The following GAB1 variants were observed in gnomAD, a reference collection of about 807,000 sequenced individuals.
GAB1 encodes GRB2 associated binding protein 1.
A neutral mutation model predicts 66.5 loss-of-function variants in GAB1; 19 were observed. The ratio of observed to expected loss-of-function variants is 0.29; its 90% CI spans 0.20 to 0.42. The LOEUF is 0.42. Among genes scored for constraint, GAB1 ranks in the 10% least tolerant of loss-of-function variants. The pLI, the probability that GAB1 is intolerant of heterozygous loss-of-function variation, is 1.00. For missense variants in GAB1, 732 were observed against 858.5 expected, an observed-to-expected ratio of 0.85 and a Z score of 1.84; for synonymous variants, 294 against 301.4, an observed-to-expected ratio of 0.98 and a Z score of 0.25.
chr4:143,433,830 A>G (rs550896450), intron 3 of GAB1, 114 bp downstream of exon 3: 2 of 803,612 alleles, frequency 2.5e-6, no homozygotes, highest in Middle Eastern at 2.3e-4. Context: ...GAAAGAGACC[A>G]TCTGTATAGG....
At chr4:143,397,876 T>C (rs1245377331) in intron 1 of GAB1, among the ~76,000 whole-genome samples, 2 of 152,220 alleles carry the variant, frequency 1.3e-5, no homozygotes, top group Non-Finnish European at 2.9e-5. Flanking sequence ...GGAAAAGGAC[T>C]TAGAAGCAGA....
intron 1 of GAB1, among the ~76,000 whole-genome samples, chr4:143,373,781 A>G (rs1198731781): frequency 1.3e-5 from 2 of 148,814 alleles, no homozygotes; most frequent in Non-Finnish European, 3.0e-5. Context: ...GTGAGCCGAG[A>G]TTGCACCATT....
intron 6 of GAB1, among the ~76,000 whole-genome samples, chr4:143,451,053 C>G (rs1182101892): frequency 1.3e-5 from 2 of 152,122 alleles, no homozygotes; most frequent in African/African-American, 4.8e-5. Context: ...TGAAGAAGCT[C>G]ACCGTCCAGG....
intron 1 of GAB1, among the ~76,000 whole-genome samples, chr4:143,378,565 T>G (rs1213118968): frequency 6.6e-6 from 1 of 151,952 alleles, no homozygotes. Flanking sequence ...TGCATGTTAT[T>G]TTGACCTACA....
chr4:143,445,641 C>A (rs999189336), intron 6 of GAB1, among the ~76,000 whole-genome samples: 2 of 152,014 alleles, frequency 1.3e-5, no homozygotes, highest in Non-Finnish European at 2.9e-5. Context: ...CTTTTGAAGA[C>A]TTGGTCATAA....
At chr4:143,449,026 T>C (rs909659074) in intron 6 of GAB1, among the ~76,000 whole-genome samples, 2 of 152,112 alleles carry the variant, frequency 1.3e-5, no homozygotes, top group African/African-American at 4.8e-5. Flanking sequence ...CATCTTTATT[T>C]CTGCCTTCAT....
At chr4:143,434,024 T>C in intron 3 of GAB1, 2 of 922,026 alleles carry the variant, frequency 2.2e-6, no homozygotes, top group South Asian at 2.9e-5. Context: ...TATTACTTGC[T>C]TAACAGATTT....
rs550333827 is a variant in GAB1, at chr4:143,399,046, TTG to T, written c.73-16427_73-16426del. ...AGCCATACCTGCCATCACTGAACCA[TTG>T]TGTCTTTTACTTTACCTGTTCTTTG... On this transcript the variant is annotated intron_variant, in intron 1 of 9. Coordinates refer to ENST00000262994, the MANE Select transcript of GAB1 (RefSeq NM_002039.4). 2.3e-3 allele frequency among the ~76,000 whole-genome samples: 351 copies of T among 152,340 alleles called. 5 individuals are homozygous for T. Among genetic ancestry groups the T allele is most frequent in the African/African-American group, 7.4e-3 (308 of 41,568 alleles).
intron 1 of GAB1, among the ~76,000 whole-genome samples, chr4:143,413,123 T>G (rs1233289487): frequency 3.3e-5 from 5 of 152,232 alleles, no homozygotes; most frequent in African/African-American, 1.2e-4. Flanking sequence ...TATTTAAAGA[T>G]GAAGCTTCAC....
intron 1 of GAB1, among the ~76,000 whole-genome samples, chr4:143,358,531 G>A (rs964874646): frequency 6.6e-6 from 1 of 152,168 alleles, no homozygotes; most frequent in Admixed American, 6.5e-5. Flanking sequence ...CATCTCTGAA[G>A]GTGGTGAATA....
At chr4:143,418,588 T>TG (rs1231988245) in intron 2 of GAB1, among the ~76,000 whole-genome samples, 1 of 152,178 alleles carries the variant, frequency 6.6e-6, no homozygotes, top group Non-Finnish European at 1.5e-5. Flanking sequence ...AGAATTTGTT[T>TG]GGGGGGACAT....
intron 1 of GAB1, among the ~76,000 whole-genome samples, chr4:143,379,329 A>G (rs1203007997): frequency 1.3e-5 from 2 of 152,134 alleles, no homozygotes; most frequent in African/African-American, 4.8e-5. Context: ...GGAGCAGAGA[A>G]ATCTTAAGCC....
chr4:143,410,166 G>A (rs1732301217), intron 1 of GAB1, among the ~76,000 whole-genome samples: 1 of 151,706 alleles, frequency 6.6e-6, no homozygotes, highest in African/African-American at 2.4e-5. Flanking sequence ...CCATATATTG[G>A]CCACTTCCTC....
chr4:143,365,649 A>C (rs1729854238), intron 1 of GAB1, among the ~76,000 whole-genome samples: 1 of 152,206 alleles, frequency 6.6e-6, no homozygotes, highest in African/African-American at 2.4e-5. Flanking sequence ...CCCACAATGG[A>C]TGCTGAACAC....
intron 1 of GAB1, among the ~76,000 whole-genome samples, chr4:143,367,740 T>G (rs1453434409): frequency 6.7e-6 from 1 of 149,174 alleles, no homozygotes; most frequent in African/African-American, 2.5e-5. Flanking sequence ...TTTTTTTTTT[T>G]TGGAGACAGA....
intron 1 of GAB1, among the ~76,000 whole-genome samples, chr4:143,390,054 G>A (rs1731108816): frequency 6.6e-6 from 1 of 152,114 alleles, no homozygotes; most frequent in African/African-American, 2.4e-5. Flanking sequence ...CATAATATTA[G>A]ACACAGCCAA....
At position 143,438,548 on chromosome 4, in the gene GAB1, G is replaced by A. The variant is rs755764881; in HGVS notation, c.1143G>A (p.Ser381=). ...SSYCIPTAGM[S]PSRSNTISTV... Reference sequence around the variant, plus strand: ...ACTGTATCCCTACAGCAGGGATGTCGCCTTCACGTAGTAATACCATTTCCA... The same window carrying A: ...ACTGTATCCCTACAGCAGGGATGTCACCTTCACGTAGTAATACCATTTCCA... Residue 381 remains serine, a synonymous_variant, in exon 4 of 10, where the codon TCG becomes TCA. Coordinates refer to ENST00000262994, the MANE Select transcript of GAB1 (RefSeq NM_002039.4). 12 of 1,613,808 alleles carry A rather than the reference G, an allele frequency of 7.4e-6. No homozygotes were observed. Among genetic ancestry groups the A allele is most frequent in the Admixed American group, 5.0e-5 (3 of 59,962 alleles).
In GAB1 at chr4:143,469,105, C is replaced by A. The variant is rs1560792892; in HGVS notation, c.2001C>A (p.Thr667=). The A allele has an allele frequency of 1.9e-6, 3 of 1,614,092 alleles. No homozygotes were observed. Among genetic ancestry groups the A allele is most frequent in the Non-Finnish European group, 2.5e-6 (3 of 1,179,966 alleles). The change falls in exon 10 of 10, where the codon ACC becomes ACA. Residue 667 remains threonine, a synonymous_variant. Transcript: ENST00000262994. ...ATGTTGTTGTTGACCAACAGAAGACCTTGGCTCTAAAGAGTACCCGGGAAG... is the reference window on the plus strand; with the variant it reads ...ATGTTGTTGTTGACCAACAGAAGACATTGGCTCTAAAGAGTACCCGGGAAG... ...VDYVVVDQQK[T]LALKSTREAW...
intron 6 of GAB1, among the ~76,000 whole-genome samples, chr4:143,444,799 T>C (rs1371015552): frequency 3.3e-5 from 5 of 152,164 alleles, no homozygotes; most frequent in Non-Finnish European, 5.9e-5. Flanking sequence ...CCAGTGTCTG[T>C]TGTTGCCATC....
Sources: gnomAD v4.1 joint callset for allele counts (sites outside exome capture counted in the v4.1 genomes callset) on GRCh38, gnomAD v4.1.1 for gene constraint, MANE v1.5 for transcripts, NCBI Gene and HGNC (gene_info 2026-07-23, HGNC 2026-07-21) for gene names.